UBQLN4: variants seen among roughly 807,000 people sequenced by gnomAD.
The protein encoded by UBQLN4 is ubiquilin-4.
Under a neutral mutation model 60.4 loss-of-function variants are expected in UBQLN4, and 11 were observed. The observed-to-expected ratio is 0.18, with a 90% CI of 0.11 to 0.30. The LOEUF (loss-of-function observed/expected upper bound fraction) is 0.30, where lower values mean the gene tolerates loss of function less well. Among genes scored for constraint, UBQLN4 ranks in the 10% least tolerant of loss-of-function variants. The pLI, the probability that UBQLN4 is intolerant of heterozygous loss-of-function variation, is 1.00. For missense variants in UBQLN4, 417 were observed against 795.5 expected, an observed-to-expected ratio of 0.52 and a Z score of 5.72; for synonymous variants, 258 against 313.1, an observed-to-expected ratio of 0.82 and a Z score of 1.86.
At chr1:156,032,427 C>T (rs1396475854), downstream of UBQLN4, among the ~76,000 whole-genome samples, 1 of 150,780 alleles carries the variant, frequency 6.6e-6, no homozygotes, top group Non-Finnish European at 1.5e-5. Flanking sequence ...AGGAGAATCA[C>T]TTGAACCCAG....
At position 156,050,730 on chromosome 1, in the gene UBQLN4, C is replaced by T. The variant is rs904488326; in HGVS notation, c.479-177G>A. ...GGCAAAAAAATGTGAGCCTACTAGA[C>T]TGAGGCTGTGCCAAACATAGAACTG... On this transcript the variant is annotated intron_variant, in intron 3 of 10. Coordinates refer to ENST00000368309, the MANE Select transcript of UBQLN4 (RefSeq NM_020131.5). The surrounding 1 kb of genome is among the most constrained non-coding windows in gnomAD (Gnocchi z 4.6). Among the ~76,000 whole-genome samples the T allele has an allele frequency of 6.6e-6, 1 of 152,240 alleles. No individual in the cohort carries two copies. The highest frequency in any genetic ancestry group is 1.5e-5 in the Non-Finnish European group (1 of 68,040).
At position 156,050,437 on chromosome 1, in the gene UBQLN4, T is replaced by C; in HGVS notation, c.595A>G (p.Ile199Val). ...TCCTGGACCAGGGGGTTCTCCATGA[T>C]CTGTGACAGCATCTCAGGATTGGAC... ...LMSNPEMLSQ[I>V]MENPLVQDMM... is the part of the protein sequence containing the mutation. Residue 199 changes from isoleucine (I) to valine (V), a missense_variant, in exon 4 of 11, where the codon ATC (isoleucine) becomes GTC (valine). Transcript: ENST00000368309. The surrounding 1 kb of genome is among the most constrained non-coding windows in gnomAD (Gnocchi z 4.6). 1 of 1,613,964 alleles carries C rather than the reference T, an allele frequency of 6.2e-7. No individual in the cohort carries two copies.
chr1:156,047,587 T>C (rs1683741998), intron 5 of UBQLN4, among the ~76,000 whole-genome samples: 1 of 151,498 alleles, frequency 6.6e-6, no homozygotes, highest in Non-Finnish European at 1.5e-5. Flanking sequence ...GTGTTTAATG[T>C]AAAATTAAAT....
At chr1:156,037,855 C>T (rs1202880231) in intron 10 of UBQLN4, among the ~76,000 whole-genome samples, 1 of 152,140 alleles carries the variant, frequency 6.6e-6, no homozygotes, top group Non-Finnish European at 1.5e-5. Flanking sequence ...AGAGAAGGGT[C>T]CCAGTTAAGA....
intron 6 of UBQLN4, among the ~76,000 whole-genome samples, chr1:156,043,355 T>A (rs1160413951): frequency 6.6e-6 from 1 of 152,194 alleles, no homozygotes; most frequent in Non-Finnish European, 1.5e-5. Flanking sequence ...CCTCTCCCAT[T>A]GGGTCCTTCC....
intron 1 of UBQLN4, among the ~76,000 whole-genome samples, 185 bp downstream of exon 1, chr1:156,053,409 T>C (rs1030571140): frequency 1.9e-5 from 2 of 107,210 alleles, no homozygotes; most frequent in African/African-American, 3.7e-5. Flanking sequence ...CGCGCCACGC[T>C]CCCCCAGATC....
intron 1 of UBQLN4, among the ~76,000 whole-genome samples, chr1:156,053,292 G>A (rs912597646): frequency 6.6e-6 from 1 of 151,704 alleles, no homozygotes; most frequent in East Asian, 2.0e-4. Context: ...CCCCACTCCG[G>A]CACACTCCCC....
downstream of UBQLN4, among the ~76,000 whole-genome samples, chr1:156,031,577 CTTTTTTT>C (rs58222507): frequency 8.1e-6 from 1 of 122,744 alleles, no homozygotes; most frequent in African/African-American, 2.9e-5. Context: ...GGAACTTCTT[CTTTTTTT>C]TTTTTTTTTT....
rs777739449 is a variant in UBQLN4, at chr1:156,042,631, C to G, written c.1266+143G>C. ...AGAAACTGGGAGGCTAAATAACTTGCTTAACTCACACAGCTGGGAAGCAGC... is the reference window on the plus strand; with the variant it reads ...AGAAACTGGGAGGCTAAATAACTTGGTTAACTCACACAGCTGGGAAGCAGC... On this transcript the variant is annotated intron_variant, in intron 7 of 10. Transcript: ENST00000368309. The G allele has an allele frequency of 1.0e-5, 13 of 1,301,444 alleles. No homozygotes were observed. The Admixed American group carries it at 1.7e-4, about 17-fold the overall frequency. 80.6% of individuals were successfully genotyped at this position (1,301,444 alleles called of 1,614,324 possible).
Position 156,050,255 on chromosome 1 carries a change from C to T in UBQLN4, c.741+36G>A. 6.5e-7 allele frequency: 1 copy of T among 1,527,752 alleles called. No homozygotes were observed. Among genetic ancestry groups the T allele is most frequent in the South Asian group, 1.3e-5 (1 of 77,238 alleles). 94.6% of individuals were successfully genotyped at this position (1,527,752 alleles called of 1,614,324 possible). A position where few individuals can be genotyped will look rare whatever the true frequency, so the allele number is the denominator to read the frequency against. ...GGCTGGGCAGGGCACGGCTGGGCAC[C>T]AGTGTCCTCCAGCTCTCCAGCCCTC... is the stretch of plus-strand genomic sequence containing the variant. On this transcript the variant is annotated intron_variant, in intron 4 of 10. Transcript: ENST00000368309. This position sits in a 1 kb window ranked among gnomAD's most constrained non-coding sequence, Gnocchi z 4.6.
chr1:156,045,750 A>T (rs769862667), intron 5 of UBQLN4, among the ~76,000 whole-genome samples: 2 of 152,260 alleles, frequency 1.3e-5, no homozygotes, highest in Non-Finnish European at 2.9e-5. Flanking sequence ...AAAGAGAACT[A>T]CAAAAATGTA....
chr1:156,046,333 CAAA>C (rs767622665), intron 5 of UBQLN4, among the ~76,000 whole-genome samples: 5 of 117,490 alleles, frequency 4.3e-5, no homozygotes, highest in Admixed American at 2.7e-4. Flanking sequence ...ACTAATAATA[CAAA>C]AAAAAAAAAA....
intron 1 of UBQLN4, 93 bp downstream of exon 1, chr1:156,053,501 G>C: frequency 6.1e-6 from 6 of 978,456 alleles, no homozygotes; most frequent in Non-Finnish European, 7.9e-6. Flanking sequence ...CTCCTCTCCG[G>C]GGCCCTCCGG....
Position 156,035,552 on chromosome 1 carries a change from A to G in UBQLN4, c.*1426T>C. 1.0e-6 allele frequency: 1 copy of G among 985,520 alleles called. No individual in the cohort carries two copies. Among genetic ancestry groups the G allele is most frequent in the Non-Finnish European group, 1.2e-6 (1 of 829,942 alleles). The allele number at this position is 985,520 out of a possible 1,614,324, so 61.0% of individuals were successfully genotyped here. ...ACAGAGAAATGTCCAATTCCAGATCAAAGGCATCATTGCCACCCTCTCCTC... is the reference window on the plus strand; with the variant it reads ...ACAGAGAAATGTCCAATTCCAGATCGAAGGCATCATTGCCACCCTCTCCTC... On this transcript the variant is annotated 3_prime_UTR_variant, in exon 11 of 11. Transcript: ENST00000368309.
chr1:156,039,178 A>G (rs1301306915), intron 10 of UBQLN4, among the ~76,000 whole-genome samples: 1 of 151,436 alleles, frequency 6.6e-6, no homozygotes, highest in Non-Finnish European at 1.5e-5. Context: ...TCCTGGCCTC[A>G]AGCAGTCCCC....
downstream of UBQLN4, among the ~76,000 whole-genome samples, chr1:156,032,652 T>C (rs982349766): frequency 6.6e-6 from 1 of 152,226 alleles, no homozygotes; most frequent in African/African-American, 2.4e-5. Flanking sequence ...TTTTAACCTC[T>C]GCTGTCTGCT....
intron 5 of UBQLN4, among the ~76,000 whole-genome samples, chr1:156,047,919 A>G (rs1683759718): frequency 6.6e-6 from 1 of 151,856 alleles, no homozygotes; most frequent in Non-Finnish European, 1.5e-5. Context: ...AGAAAGAAAG[A>G]AAGAACCAAA....
intron 6 of UBQLN4, 39 bp from the exon 7 acceptor site, chr1:156,042,952 G>A (rs779898711): frequency 1.2e-6 from 2 of 1,602,486 alleles, no homozygotes; most frequent in South Asian, 1.1e-5. Context: ...GGAGAGAAAG[G>A]GTCCAGATGG....
chr1:156,053,579 C>T lies in UBQLN4; in HGVS notation c.108+15G>A. ...CCTCCTCCGCGCTCCCCCCGCCCCC[C>T]GCCTGCTGTACTACCTCCTTGACCG... On this transcript the variant is annotated intron_variant, in intron 1 of 10. Coordinates refer to ENST00000368309, the MANE Select transcript of UBQLN4 (RefSeq NM_020131.5). 7.7e-7 allele frequency: 1 copy of T among 1,297,622 alleles called. No homozygotes were observed. Among genetic ancestry groups the T allele is most frequent in the Non-Finnish European group, 9.9e-7 (1 of 1,005,242 alleles). The allele number at this position is 1,297,622 out of a possible 1,614,324, so 80.4% of individuals were successfully genotyped here. A position where few individuals can be genotyped will look rare whatever the true frequency, so the allele number is the denominator to read the frequency against.
Sources: allele counts gnomAD v4.1 joint callset (sites outside exome capture counted in the v4.1 genomes callset), GRCh38; gene constraint gnomAD v4.1.1; non-coding constraint Gnocchi (gnomAD v3.1); transcripts MANE v1.5; gene names NCBI Gene and HGNC (gene_info 2026-07-23, HGNC 2026-07-21).